NTN4: variants seen among roughly 807,000 people sequenced by gnomAD.
The protein encoded by NTN4 is netrin 4.
In NTN4, 32 loss-of-function variants were observed where a neutral mutation model predicts 73.6. The observed-to-expected ratio is 0.44, with a 90% CI of 0.33 to 0.58. The LOEUF (loss-of-function observed/expected upper bound fraction) is 0.58, where lower values mean the gene tolerates loss of function less well. Ranked by LOEUF, NTN4 falls within the 20% of genes least tolerant of loss-of-function variation. The pLI is 0.04. For missense variants in NTN4, 654 were observed against 798.3 expected (o/e 0.82, Z 2.18); for synonymous variants, 258 against 287.5 (o/e 0.90, Z 1.04).
At chr12:95,692,487 T>C (rs1000099198) in intron 5 of NTN4, among the ~76,000 whole-genome samples, 2 of 152,270 alleles carry the variant, frequency 1.3e-5, no homozygotes, top group Non-Finnish European at 2.9e-5. Context: ...TTGCTGAATA[T>C]GATAGAAATT....
intron 8 of NTN4, 41 bp downstream of exon 8, chr12:95,670,037 G>A (rs781101388): frequency 1.6e-6 from 2 of 1,237,076 alleles, no homozygotes; most frequent in African/African-American, 3.0e-5. Context: ...TGAACTTAGT[G>A]TGAATAGGTT....
In NTN4 at chr12:95,778,962, G is replaced by C. The variant is rs1420562347; in HGVS notation, c.585+7977C>G. ...GCACATCAAAACGCTTACCCACCAT[G>C]ATCAAGTGAGCTTCATCCCTGGGAT... On this transcript the variant is annotated intron_variant, in intron 2 of 9. Coordinates refer to ENST00000343702, the MANE Select transcript of NTN4 (RefSeq NM_021229.4). 2.6e-5 allele frequency among the ~76,000 whole-genome samples: 4 copies of C among 152,310 alleles called. No homozygotes were observed. In the East Asian group the frequency reaches 5.8e-4, roughly 22 times the overall value.
At chr12:95,706,951 C>G (rs760119445) in intron 5 of NTN4, among the ~76,000 whole-genome samples, 1 of 152,082 alleles carries the variant, frequency 6.6e-6, no homozygotes, top group South Asian at 2.1e-4. Context: ...TCTCAGGGTC[C>G]GAGAATTTAC....
chr12:95,772,086 T>G (rs981941042), intron 2 of NTN4, among the ~76,000 whole-genome samples: 9 of 152,184 alleles, frequency 5.9e-5, no homozygotes, highest in African/African-American at 1.7e-4. Flanking sequence ...TTGCCCAGAC[T>G]GGAGTGCAGT....
chr12:95,725,577 T>C (rs917958404), intron 3 of NTN4, among the ~76,000 whole-genome samples: 1 of 152,180 alleles, frequency 6.6e-6, no homozygotes, highest in Non-Finnish European at 1.5e-5. Flanking sequence ...CACTGTCTGA[T>C]TGTCACTCAG....
At chr12:95,786,244 G>A (rs956880462) in intron 2 of NTN4, among the ~76,000 whole-genome samples, 1 of 152,058 alleles carries the variant, frequency 6.6e-6, no homozygotes, top group African/African-American at 2.4e-5. Context: ...CTGAGGGTTG[G>A]GGGGAGCCTT....
intron 2 of NTN4, among the ~76,000 whole-genome samples, chr12:95,745,677 TTC>T (rs555329514): frequency 1.7e-4 from 26 of 152,302 alleles, no homozygotes; most frequent in African/African-American, 6.0e-4. Context: ...ATGAGTTGTA[TTC>T]TCTGTTTCTT....
intron 3 of NTN4, among the ~76,000 whole-genome samples, chr12:95,729,067 C>T (rs1371802211): frequency 2.6e-5 from 4 of 152,160 alleles, no homozygotes; most frequent in Admixed American, 2.6e-4. Context: ...CCAATTAAAC[C>T]TCCTTTCTTA....
rs56063223 is a variant in NTN4, at chr12:95,700,080, A to ATTTTTTTTTTTTTTTTTTTTT, written c.1180+10340_1180+10360dup. Among the ~76,000 whole-genome samples the ATTTTTTTTTTTTTTTTTTTTT allele has an allele frequency of 1.2e-4, 5 of 41,824 alleles. 1 individual carries two copies. Among genetic ancestry groups the ATTTTTTTTTTTTTTTTTTTTT allele is most frequent in the Admixed American group, 8.3e-4 (2 of 2,412 alleles). The allele number at this position is 41,824 out of a possible 152,430, so 27.4% of individuals were successfully genotyped here. On this transcript the variant is annotated intron_variant, in intron 5 of 9. Coordinates refer to ENST00000343702, the MANE Select transcript of NTN4 (RefSeq NM_021229.4). ...AACAGTGTATTCTTCTAAAGTGAGG[A>ATTTTTTTTTTTTTTTTTTTTT]TTTTTTTTTTTTTTTTTTTTTTTTT...
chr12:95,771,663 A>G (rs1489950352), intron 2 of NTN4, among the ~76,000 whole-genome samples: 1 of 152,144 alleles, frequency 6.6e-6, no homozygotes, highest in East Asian at 1.9e-4. Flanking sequence ...TGAAATTTTG[A>G]GAGTCAAAAA....
chr12:95,692,711 T>A (rs2078410429), intron 5 of NTN4, among the ~76,000 whole-genome samples: 1 of 152,170 alleles, frequency 6.6e-6, no homozygotes, highest in Non-Finnish European at 1.5e-5. Context: ...TGACAATAAA[T>A]ACAGTTGTTT....
At chr12:95,694,778 A>G (rs1327774707) in intron 5 of NTN4, among the ~76,000 whole-genome samples, 1 of 152,134 alleles carries the variant, frequency 6.6e-6, no homozygotes, top group Non-Finnish European at 1.5e-5. Context: ...GCAATGTTAT[A>G]TACATTACGT....
chr12:95,773,006 TTTTTC>T (rs1442424376), intron 2 of NTN4, among the ~76,000 whole-genome samples: 135 of 148,822 alleles, frequency 9.1e-4, no homozygotes, highest in Admixed American at 2.1e-3. Flanking sequence ...TCTTTTTTCT[TTTTTC>T]TTTTTTTTTG....
intron 5 of NTN4, among the ~76,000 whole-genome samples, chr12:95,693,485 C>T (rs1173994277): frequency 6.6e-6 from 1 of 151,902 alleles, no homozygotes; most frequent in Non-Finnish European, 1.5e-5. Context: ...AATCACAGCA[C>T]TTTGAGAGGG....
intron 2 of NTN4, among the ~76,000 whole-genome samples, chr12:95,772,779 C>T (rs1365813076): frequency 6.6e-6 from 1 of 152,272 alleles, no homozygotes; most frequent in South Asian, 2.1e-4. Flanking sequence ...TAGAATTCAA[C>T]CACTTTTCAC....
chr12:95,731,082 T>C (rs950311208), intron 3 of NTN4, among the ~76,000 whole-genome samples: 1 of 152,240 alleles, frequency 6.6e-6, no homozygotes, highest in Non-Finnish European at 1.5e-5. Context: ...TTTTTGCTTT[T>C]ATTCTTTCTC....
At chr12:95,739,401 C>G (rs2078806284) in intron 2 of NTN4, among the ~76,000 whole-genome samples, 1 of 152,142 alleles carries the variant, frequency 6.6e-6, no homozygotes, top group African/African-American at 2.4e-5. Context: ...CCCATTTATC[C>G]ACATGCAAAG....
At chr12:95,732,921 T>C (rs1357848576) in intron 3 of NTN4, among the ~76,000 whole-genome samples, 1 of 152,220 alleles carries the variant, frequency 6.6e-6, no homozygotes, top group Non-Finnish European at 1.5e-5. Context: ...ACCTGCCTTA[T>C]ACAGCTAGGT....
intron 2 of NTN4, among the ~76,000 whole-genome samples, chr12:95,777,852 A>G (rs1338158274): frequency 1.3e-5 from 2 of 152,200 alleles, no homozygotes; most frequent in Non-Finnish European, 2.9e-5. Flanking sequence ...CCCTAAATTA[A>G]CAGAATATAC....
Sources: allele counts gnomAD v4.1 joint callset (sites outside exome capture counted in the v4.1 genomes callset), GRCh38; gene constraint gnomAD v4.1.1; transcripts MANE v1.5; gene names NCBI Gene and HGNC (gene_info 2026-07-23, HGNC 2026-07-21).